Variants in ESR1 observed in about 807,000 individuals in gnomAD.
ESR1 encodes the protein estrogen receptor 1.
In ESR1, 12 loss-of-function variants were observed where a neutral mutation model predicts 52.7. The ratio of observed to expected loss-of-function variants is 0.23; its 90% CI spans 0.15 to 0.37. The LOEUF is 0.37. ESR1 is among the 10% of genes least tolerant of loss of function. The pLI is 1.00. For synonymous variants in ESR1, 305 were observed against 316.8 expected, an observed-to-expected ratio of 0.96 and a Z score of 0.39; for missense variants, 584 against 779.7, an observed-to-expected ratio of 0.75 and a Z score of 2.99.
intron 1 of ESR1, among the ~76,000 whole-genome samples, chr6:151,681,041 C>T (rs539455562): frequency 6.6e-6 from 1 of 152,260 alleles, no homozygotes; most frequent in East Asian, 1.9e-4. Context: ...ACTCAGAGCC[C>T]TGCCAGCTGC....
chr6:151,683,370 T>C (rs1452097257), intron 1 of ESR1, among the ~76,000 whole-genome samples: 3 of 151,856 alleles, frequency 2.0e-5, no homozygotes, highest in African/African-American at 7.3e-5. Context: ...AATGCAGGTC[T>C]CTTTGGATAT....
intron 2 of ESR1, among the ~76,000 whole-genome samples, chr6:151,762,942 AAAC>A (rs1343735948): frequency 1.3e-5 from 2 of 152,014 alleles, no homozygotes; most frequent in Non-Finnish European, 2.9e-5. Flanking sequence ...TCCATCTCAA[AAAC>A]AAACAAACAA....
At chr6:151,956,843 A>AATATATATAT (rs1253747719) in intron 4 of ESR1, among the ~76,000 whole-genome samples, 7 of 44,464 alleles carry the variant, frequency 1.6e-4, no homozygotes, top group African/African-American at 5.2e-4. Context: ...AATATAAATA[A>AATATATATAT]ATATATATAT....
At chr6:151,954,057 A>G (rs899753938) in intron 4 of ESR1, among the ~76,000 whole-genome samples, 1 of 152,064 alleles carries the variant, frequency 6.6e-6, no homozygotes, top group African/African-American at 2.4e-5. Flanking sequence ...TGCTAGCGTG[A>G]ACTAAATCCC....
chr6:151,801,689 T>G (rs1246129901), upstream of ESR1, among the ~76,000 whole-genome samples: 4 of 152,360 alleles, frequency 2.6e-5, no homozygotes, highest in East Asian at 7.7e-4. Flanking sequence ...TGTGTACCCT[T>G]GCAGACTTGG....
At chr6:151,795,453 A>G (rs192518056) in intron 2 of ESR1, among the ~76,000 whole-genome samples, 1 of 146,978 alleles carries the variant, frequency 6.8e-6, no homozygotes. Flanking sequence ...GCACCACTGC[A>G]CTCCAGCCCA....
At chr6:151,770,189 G>A (rs1452250097) in intron 2 of ESR1, among the ~76,000 whole-genome samples, 1 of 152,124 alleles carries the variant, frequency 6.6e-6, no homozygotes, top group East Asian at 1.9e-4. Flanking sequence ...ATTATGTGTT[G>A]ACATTCTAGT....
At chr6:151,951,114 A>C (rs2036277341) in intron 4 of ESR1, among the ~76,000 whole-genome samples, 1 of 152,168 alleles carries the variant, frequency 6.6e-6, no homozygotes, top group Non-Finnish European at 1.5e-5. Flanking sequence ...CATCTACCTC[A>C]TAAATACCTT....
chr6:152,104,918 T>C (rs1164224719), downstream of ESR1, among the ~76,000 whole-genome samples: 1 of 152,080 alleles, frequency 6.6e-6, no homozygotes, highest in Non-Finnish European at 1.5e-5. Flanking sequence ...GGCTGATGGT[T>C]GAATAGATCA....
intron 1 of ESR1, among the ~76,000 whole-genome samples, chr6:151,835,580 C>T (rs1417761327): frequency 6.6e-6 from 1 of 152,190 alleles, no homozygotes; most frequent in Non-Finnish European, 1.5e-5. Flanking sequence ...AACTGTAATA[C>T]TTAAGATAAG....
chr6:151,761,611 C>G (rs150734051), intron 2 of ESR1, among the ~76,000 whole-genome samples: 1 of 152,288 alleles, frequency 6.6e-6, no homozygotes, highest in Non-Finnish European at 1.5e-5. Flanking sequence ...TTTAACGTTG[C>G]AGTGATCACA....
At chr6:151,888,762 AC>A (rs1010634554) in intron 3 of ESR1, among the ~76,000 whole-genome samples, 1 of 151,870 alleles carries the variant, frequency 6.6e-6, no homozygotes, top group Non-Finnish European at 1.5e-5. Context: ...TTAGGGGAAG[AC>A]TTTTCAAATT....
At chr6:152,024,906 A>G (rs1349571148) in intron 5 of ESR1, among the ~76,000 whole-genome samples, 1 of 151,268 alleles carries the variant, frequency 6.6e-6, no homozygotes, top group Non-Finnish European at 1.5e-5. Flanking sequence ...GTTTCCTAGT[A>G]TACAATCATA....
intron 2 of ESR1, among the ~76,000 whole-genome samples, chr6:151,741,853 C>T (rs1783120957): frequency 1.3e-5 from 2 of 152,150 alleles, no homozygotes; most frequent in Non-Finnish European, 2.9e-5. Flanking sequence ...CTATAGTTCT[C>T]ATGTTGTAGA....
chr6:152,077,240 C>A (rs2048814782), intron 6 of ESR1, among the ~76,000 whole-genome samples: 1 of 152,138 alleles, frequency 6.6e-6, no homozygotes, highest in African/African-American at 2.4e-5. Flanking sequence ...AAGCCCCAAA[C>A]CTTGGCAGCT....
intron 4 of ESR1, among the ~76,000 whole-genome samples, chr6:151,964,825 G>A (rs565294199): frequency 6.6e-6 from 1 of 152,048 alleles, no homozygotes; most frequent in Non-Finnish European, 1.5e-5. Flanking sequence ...TGTATTTTTA[G>A]TACAGACGGA....
chr6:151,663,301 C>T lies in ESR1; in HGVS notation n.73+6538C>T, dbSNP rs1240698553. Among the ~76,000 whole-genome samples, 3 of 152,304 alleles carry T rather than the reference C, an allele frequency of 2.0e-5. No homozygotes were observed. The East Asian group carries it at 5.8e-4, about 29-fold the overall frequency. On this transcript the variant is annotated intron_variant and non_coding_transcript_variant, in intron 1 of 2. Coordinates refer to the ESR1 transcript ENST00000473497. Reference sequence around the variant, plus strand: ...TAGGTTGGTACTTCAAAGTCCCATTCATATGGATCATGTTCATATTTATAT... The same window carrying T: ...TAGGTTGGTACTTCAAAGTCCCATTTATATGGATCATGTTCATATTTATAT...
chr6:152,076,599 A>G (rs1399401252), intron 6 of ESR1, among the ~76,000 whole-genome samples: 1 of 152,202 alleles, frequency 6.6e-6, no homozygotes, highest in Admixed American at 6.5e-5. Context: ...GAAACTTCCT[A>G]GAGACTTGTT....
exon 7 of ESR1, chr6:152,127,607 C>T (rs1317232567): frequency 2.0e-5 from 3 of 152,116 alleles, no homozygotes; most frequent in East Asian, 3.9e-4. Context: ...CCTAGAAACA[C>T]CAGGAAGGCC....
Sources: allele counts gnomAD v4.1 joint callset (sites outside exome capture counted in the v4.1 genomes callset), GRCh38; gene constraint gnomAD v4.1.1; transcripts MANE v1.5; gene names NCBI Gene and HGNC (gene_info 2026-07-23, HGNC 2026-07-21).